EGFR: variants seen among roughly 807,000 people sequenced by gnomAD.
EGFR encodes epidermal growth factor receptor.
Under a neutral mutation model 143.0 loss-of-function variants are expected in EGFR, and 58 were observed. That is an observed-to-expected ratio of 0.41 (90% CI 0.33 to 0.50). The LOEUF (loss-of-function observed/expected upper bound fraction) is 0.50. EGFR is among the 20% of genes least tolerant of loss of function. The probability of loss-of-function intolerance (pLI) is 0.39; values close to 1 mark genes in which losing one functional copy is unlikely to be tolerated. For synonymous variants in EGFR, 613 were observed against 594.4 expected, an observed-to-expected ratio of 1.03 and a Z score of -0.45; for missense variants, 1,307 against 1,579.0, an observed-to-expected ratio of 0.83 and a Z score of 2.92.
intron 1 of EGFR, among the ~76,000 whole-genome samples, chr7:55,027,992 ATATATATATATATATATATAT>A (rs1411472220): frequency 2.2e-5 from 1 of 44,694 alleles, no homozygotes; most frequent in Non-Finnish European, 5.0e-5. Flanking sequence ...AAAAAAAAAA[ATATATATATATATATATATAT>A]ATATATATAT....
intron 1 of EGFR, among the ~76,000 whole-genome samples, chr7:55,035,911 G>C (rs973850475): frequency 6.6e-6 from 1 of 151,442 alleles, no homozygotes; most frequent in African/African-American, 2.4e-5. Flanking sequence ...GCAAAGTTTT[G>C]TATATTTATT....
At chr7:55,066,612 G>T (rs1181919191) in intron 1 of EGFR, among the ~76,000 whole-genome samples, 2 of 152,324 alleles carry the variant, frequency 1.3e-5, no homozygotes, top group East Asian at 3.9e-4. Flanking sequence ...TACAAAAAGG[G>T]CAGTTCAAAA....
Position 55,143,321 on chromosome 7 carries a change from C to T in EGFR, c.257C>T (p.Ala86Val), listed in dbSNP as rs1794573114. 1 of 1,614,226 alleles carries T rather than the reference C, an allele frequency of 6.2e-7. No homozygotes were observed. The highest frequency in any genetic ancestry group is 8.5e-7 in the Non-Finnish European group (1 of 1,180,046). ...TCTTCTTAGACCATCCAGGAGGTGGCTGGTTATGTCCTCATTGCCCTCAAC... is the reference window on the plus strand; with the variant it reads ...TCTTCTTAGACCATCCAGGAGGTGGTTGGTTATGTCCTCATTGCCCTCAAC... ...LSFLKTIQEVAGYVLIALNTV... is the reference protein window; with the variant it reads ...LSFLKTIQEVVGYVLIALNTV... Residue 86 changes from alanine (A) to valine (V), a missense_variant, in exon 3 of 28, where the codon GCT becomes GTT. Ala to Val is a moderately conservative substitution (Grantham distance 64). This residue lies in a region of EGFR where 311 missense variants were observed against 412.3 expected (regional missense o/e 0.75). Transcript: ENST00000275493.
intron 1 of EGFR, among the ~76,000 whole-genome samples, chr7:55,084,009 C>A (rs911252568): frequency 1.3e-5 from 2 of 152,104 alleles, no homozygotes; most frequent in Non-Finnish European, 2.9e-5. Flanking sequence ...GGGTCAAGGC[C>A]AAATCAGTAA....
chr7:55,106,440 T>G (rs1245853826), intron 1 of EGFR, among the ~76,000 whole-genome samples: 1 of 152,194 alleles, frequency 6.6e-6, no homozygotes, highest in Non-Finnish European at 1.5e-5. Flanking sequence ...CAATATGCCT[T>G]CATTTCCTAA....
chr7:55,088,790 T>G (rs58239548), intron 1 of EGFR, among the ~76,000 whole-genome samples: 2,083 of 152,306 alleles, frequency 0.014, 43 homozygotes, highest in African/African-American at 0.047. Flanking sequence ...CTCAGTCCTG[T>G]CCCTTTGACG....
Position 55,211,334 on chromosome 7 carries a change from T to C in EGFR, c.*5717T>C, listed in dbSNP as rs530155016. ...TAAGAGATCCTATGGATTTGATGAC[T>C]GGTATTAGAGGTGACAATGTAACCG... On this transcript the variant is annotated 3_prime_UTR_variant, in exon 28 of 28. Coordinates refer to ENST00000275493, the MANE Select transcript of EGFR (RefSeq NM_005228.5). The C allele has an allele frequency of 6.6e-6, 1 of 152,368 alleles. No homozygotes were observed. The highest frequency in any genetic ancestry group is 1.9e-4 in the East Asian group (1 of 5,192). 9.4% of individuals were successfully genotyped at this position (152,368 alleles called of 1,614,324 possible).
intron 5 of EGFR, 196 bp from the exon 6 acceptor site, chr7:55,152,350 A>C (rs1438915473): frequency 1.3e-6 from 1 of 761,444 alleles, no homozygotes; most frequent in African/African-American, 1.7e-5. Flanking sequence ...AGTTCTCTTA[A>C]GTGATTAAAA....
In EGFR at chr7:55,181,382, G is replaced by A. The variant is rs1413493019; in HGVS notation, c.2373G>A (p.Gln791=). 2 of 1,614,212 alleles carry A rather than the reference G, an allele frequency of 1.2e-6. No homozygotes were observed. Among genetic ancestry groups the A allele is most frequent in the Non-Finnish European group, 1.7e-6 (2 of 1,180,032 alleles). ...CCTCCACCGTGCAGCTCATCACGCA[G>A]CTCATGCCCTTCGGCTGCCTCCTGG... ...CLTSTVQLIT[Q]LMPFGCLLDY... is the part of the protein sequence containing the mutation. The change falls in exon 20 of 28, where the codon CAG becomes CAA. Residue 791 remains glutamine, a synonymous_variant. Transcript: ENST00000275493.
intron 1 of EGFR, among the ~76,000 whole-genome samples, chr7:55,082,062 C>G (rs1186188826): frequency 6.6e-6 from 1 of 152,168 alleles, no homozygotes; most frequent in Non-Finnish European, 1.5e-5. Flanking sequence ...ACAATGCAGG[C>G]TGGGTGGTGT....
chr7:55,045,507 G>A (rs768776847), intron 1 of EGFR, among the ~76,000 whole-genome samples: 8 of 152,090 alleles, frequency 5.3e-5, no homozygotes, highest in African/African-American at 9.7e-5. Flanking sequence ...GGTTCCTTCC[G>A]TCTCTAACAA....
chr7:55,170,398 A>C (rs2128950596), intron 15 of EGFR: 2 of 1,614,166 alleles, frequency 1.2e-6, no homozygotes, highest in African/African-American at 2.7e-5. Flanking sequence ...GTCCCACCAG[A>C]GCGGGAGCCC....
intron 1 of EGFR, among the ~76,000 whole-genome samples, chr7:55,056,647 C>G (rs891436492): frequency 3.9e-5 from 6 of 152,188 alleles, no homozygotes; most frequent in Non-Finnish European, 5.9e-5. Context: ...CTATTTGTCT[C>G]TCAGTCATCT....
intron 1 of EGFR, among the ~76,000 whole-genome samples, chr7:55,092,111 C>T (rs993530436): frequency 4.6e-5 from 7 of 152,044 alleles, no homozygotes; most frequent in South Asian, 4.1e-4. Context: ...CTGTTTAATG[C>T]GGGCTACCTC....
At chr7:55,204,284 C>T (rs1214719370) in intron 27 of EGFR, among the ~76,000 whole-genome samples, 2 of 146,304 alleles carry the variant, frequency 1.4e-5, no homozygotes, top group African/African-American at 5.1e-5. Context: ...CATACATACA[C>T]ATCCACACAC....
intron 1 of EGFR, among the ~76,000 whole-genome samples, chr7:55,139,360 T>G (rs1444576996): frequency 1.3e-5 from 2 of 152,228 alleles, no homozygotes; most frequent in Non-Finnish European, 2.9e-5. Flanking sequence ...ATATAAGTGG[T>G]CTCACATTAA....
At chr7:55,120,671 G>T (rs1040249075) in intron 1 of EGFR, among the ~76,000 whole-genome samples, 7 of 152,116 alleles carry the variant, frequency 4.6e-5, no homozygotes, top group Admixed American at 4.6e-4. Flanking sequence ...ACACATCCGG[G>T]GCTCAGTGAG....
Position 55,205,822 on chromosome 7 carries a change from G to A in EGFR, c.*205G>A. 2 of 680,830 alleles carry A rather than the reference G, an allele frequency of 2.9e-6. No individual in the cohort carries two copies. 42.2% of individuals were successfully genotyped at this position (680,830 alleles called of 1,614,324 possible). On this transcript the variant is annotated 3_prime_UTR_variant, in exon 28 of 28. Coordinates refer to ENST00000275493, the MANE Select transcript of EGFR (RefSeq NM_005228.5). ...TTGCATTCCTTTGTCTTCAAACTGT[G>A]AAGCATTTACAGAAACGCATCCAGC...
intron 1 of EGFR, among the ~76,000 whole-genome samples, chr7:55,048,167 A>AC (rs545247512): frequency 3.7e-4 from 56 of 151,524 alleles, no homozygotes; most frequent in Middle Eastern, 3.4e-3. Flanking sequence ...AAATCCTTAG[A>AC]CCCCCCCTCG....
Sources: gnomAD v4.1 joint callset for allele counts (sites outside exome capture counted in the v4.1 genomes callset) on GRCh38, gnomAD v4.1.1 for gene constraint, gnomAD v4.1.1 regional missense constraint, MANE v1.5 for transcripts, NCBI Gene and HGNC (gene_info 2026-07-23, HGNC 2026-07-21) for gene names.